Variants in SCARA3 observed in about 807,000 individuals in gnomAD.
The protein encoded by SCARA3 is cellular stress response gene protein.
In SCARA3, 39 loss-of-function variants were observed where a neutral mutation model predicts 47.0. The observed-to-expected ratio is 0.83, with a 90% CI of 0.64 to 1.08. SCARA3 has a LOEUF of 1.08. Ranked by LOEUF, SCARA3 falls within the 50% of genes least tolerant of loss-of-function variation. SCARA3 has a pLI of 0.00. For synonymous variants in SCARA3, 356 were observed against 334.1 expected, an observed-to-expected ratio of 1.07 and a Z score of -0.71; for missense variants, 724 against 792.3, an observed-to-expected ratio of 0.91 and a Z score of 1.04.
chr8:27,695,827 A>G, the SCARA3 span, among the ~76,000 whole-genome samples: 1 of 152,154 alleles, frequency 6.6e-6, no homozygotes, highest in African/African-American at 2.4e-5. Flanking sequence ...ATATATCCAC[A>G]CTAAAGAATA....
intron 1 of SCARA3, among the ~76,000 whole-genome samples, chr8:27,639,853 G>A (rs530524104): frequency 2.8e-4 from 43 of 152,324 alleles, no homozygotes; most frequent in African/African-American, 8.4e-4. Flanking sequence ...GACCCACCGC[G>A]TTGACTGCTG....
the SCARA3 span, among the ~76,000 whole-genome samples, chr8:27,705,535 C>T: frequency 2.0e-5 from 3 of 152,224 alleles, no homozygotes; most frequent in South Asian, 2.1e-4. Flanking sequence ...GTTCAGATTC[C>T]GGCTGGGTGA....
the SCARA3 span, among the ~76,000 whole-genome samples, chr8:27,725,170 A>G: frequency 6.6e-6 from 1 of 152,114 alleles, no homozygotes; most frequent in Non-Finnish European, 1.5e-5. Flanking sequence ...AAACAAACAA[A>G]AACAGGTTGA....
At chr8:27,689,399 C>T in the SCARA3 span, among the ~76,000 whole-genome samples, 3,191 of 152,192 alleles carry the variant, frequency 0.021, 126 homozygotes, top group African/African-American at 0.067. Flanking sequence ...GAAACGGGAG[C>T]GGCTGATGAA....
intron 1 of SCARA3, among the ~76,000 whole-genome samples, chr8:27,634,427 C>T (rs552620695): frequency 1.3e-5 from 2 of 152,204 alleles, no homozygotes; most frequent in South Asian, 2.1e-4. Flanking sequence ...ACACACCCCC[C>T]CTTGCAGTCC....
chr8:27,725,101 G>A, the SCARA3 span, among the ~76,000 whole-genome samples: 1 of 152,162 alleles, frequency 6.6e-6, no homozygotes, highest in Non-Finnish European at 1.5e-5. Flanking sequence ...AGTGAGCTGT[G>A]ATTGCACCAC....
intron 5 of SCARA3, among the ~76,000 whole-genome samples, chr8:27,660,618 TGATAGATAGATAGATA>T (rs10674215): frequency 7.6e-6 from 1 of 130,882 alleles, no homozygotes; most frequent in African/African-American, 2.8e-5. Context: ...TAGAGATAGA[TGATAGATAGATAGATA>T]GATAGATAGA....
At chr8:27,693,790 C>A in the SCARA3 span, among the ~76,000 whole-genome samples, 1 of 152,218 alleles carries the variant, frequency 6.6e-6, no homozygotes, top group African/African-American at 2.4e-5. Flanking sequence ...ACAACCCCTT[C>A]TTGTAATCCA....
downstream of SCARA3, among the ~76,000 whole-genome samples, chr8:27,680,995 C>T (rs1802346623): frequency 6.6e-6 from 1 of 152,144 alleles, no homozygotes. Context: ...AAACTTTAAA[C>T]TTAGACAAAA....
the SCARA3 span, among the ~76,000 whole-genome samples, chr8:27,714,944 G>A: frequency 1.3e-5 from 2 of 151,954 alleles, no homozygotes; most frequent in Non-Finnish European, 2.9e-5. Context: ...CTTTGAGACA[G>A]GATCTTGCTC....
Position 27,667,207 on chromosome 8 carries a change from C to T in SCARA3, c.1370-3693C>T, listed in dbSNP as rs1326751219. On this transcript the variant is annotated intron_variant, in intron 5 of 5. Transcript: ENST00000301904. ...TGCCCCCACACTAACTACTAAACTA[C>T]AGTTGTTGACTTCCTCCCTAGCCAG... Among the ~76,000 whole-genome samples the T allele has an allele frequency of 3.3e-5, 5 of 152,224 alleles. No individual in the cohort carries two copies. In the East Asian group the frequency reaches 9.6e-4, roughly 29 times the overall value.
chr8:27,650,032 C>T (rs577696567), intron 2 of SCARA3, among the ~76,000 whole-genome samples: 24 of 152,264 alleles, frequency 1.6e-4, no homozygotes, highest in African/African-American at 4.1e-4. Context: ...TTTGCTGTGT[C>T]GTCCAGGCTA....
the SCARA3 span, among the ~76,000 whole-genome samples, chr8:27,720,948 C>A: frequency 6.6e-6 from 1 of 151,988 alleles, no homozygotes; most frequent in Non-Finnish European, 1.5e-5. Context: ...ATTCATCCAT[C>A]CACCTATTTA....
chr8:27,659,536 C>T lies in SCARA3; in HGVS notation c.1366C>T (p.Arg456Ter), dbSNP rs757580227. The T allele has an allele frequency of 5.0e-6, 8 of 1,601,998 alleles. No individual in the cohort carries two copies. The African/African-American group carries it at 5.4e-5, about 11-fold the overall frequency. Residue 456 changes from arginine to a stop codon, truncating the protein, a stop_gained, in exon 5 of 6, where the codon CGA becomes TGA. Coordinates refer to ENST00000301904, the MANE Select transcript of SCARA3 (RefSeq NM_016240.3). LOFTEE classifies it low-confidence loss of function (END_TRUNC). ...GEILRNVTIL[R>*]GAPGPPGPRG... The stretch of plus-strand genomic sequence containing the variant: ...AATCCTTCGCAATGTCACCATCCTA[C>T]GAGGTAAGAGCTGGGTCCAGGTAGG...
chr8:27,729,306 G>A, the SCARA3 span, among the ~76,000 whole-genome samples: 1 of 152,186 alleles, frequency 6.6e-6, no homozygotes, highest in Non-Finnish European at 1.5e-5. Flanking sequence ...CCTAAAGGAA[G>A]AGCTATGTGC....
Position 27,672,762 on chromosome 8 carries a change from C to T in SCARA3, c.*1411C>T. 1 of 985,596 alleles carries T rather than the reference C, an allele frequency of 1.0e-6. No homozygotes were observed. Among genetic ancestry groups the T allele is most frequent in the Non-Finnish European group, 1.2e-6 (1 of 830,050 alleles). 61.1% of individuals were successfully genotyped at this position (985,596 alleles called of 1,614,324 possible). On this transcript the variant is annotated 3_prime_UTR_variant, in exon 6 of 6. Coordinates refer to ENST00000301904, the MANE Select transcript of SCARA3 (RefSeq NM_016240.3). ...TCCTGTTGGCTACACTCTAAAGCTG[C>T]TTTGCCTTCATGTTCAAACAGATTC...
chr8:27,700,023 T>C, the SCARA3 span, among the ~76,000 whole-genome samples: 1 of 152,174 alleles, frequency 6.6e-6, no homozygotes, highest in Non-Finnish European at 1.5e-5. Flanking sequence ...CAAAAATTCA[T>C]CTGATATGGA....
At chr8:27,704,080 TC>T in the SCARA3 span, among the ~76,000 whole-genome samples, 1 of 151,108 alleles carries the variant, frequency 6.6e-6, no homozygotes, top group African/African-American at 2.4e-5. Flanking sequence ...AAGAGGAACA[TC>T]CAAAGTAAGG....
chr8:27,668,472 G>GAC, intron 5 of SCARA3, among the ~76,000 whole-genome samples: 1 of 140,930 alleles, frequency 7.1e-6, no homozygotes, highest in African/African-American at 3.0e-5. Context: ...CCCGGGAAGC[G>GAC]GAGCTTGCAG....
Sources: gnomAD v4.1 joint callset for allele counts (sites outside exome capture counted in the v4.1 genomes callset) on GRCh38, gnomAD v4.1.1 for gene constraint, MANE v1.5 for transcripts, NCBI Gene and HGNC (gene_info 2026-07-23, HGNC 2026-07-21) for gene names.